Variants in PPP3CA observed in about 807,000 individuals in gnomAD.
The protein encoded by PPP3CA is protein phosphatase 3 catalytic subunit alpha, also known as CAM-PRP catalytic subunit.
PPP3CA carries 14 observed loss-of-function variants against 66.5 expected under a neutral mutation model. The ratio of observed to expected loss-of-function variants is 0.21; its 90% CI spans 0.14 to 0.33. The LOEUF (loss-of-function observed/expected upper bound fraction) is 0.33, where lower values mean the gene tolerates loss of function less well. Among genes scored for constraint, PPP3CA ranks in the 10% least tolerant of loss-of-function variants. PPP3CA has a pLI of 1.00. For synonymous variants in PPP3CA, 232 were observed against 226.2 expected, an observed-to-expected ratio of 1.03 and a Z score of -0.23; for missense variants, 317 against 639.5, an observed-to-expected ratio of 0.50 and a Z score of 5.44.
intron 1 of PPP3CA, among the ~76,000 whole-genome samples, chr4:101,343,195 T>C (rs1353879315): frequency 2.6e-5 from 4 of 152,154 alleles, no homozygotes; most frequent in African/African-American, 9.6e-5. Flanking sequence ...AGAAGTCCCA[T>C]CACAAAATAC....
intron 9 of PPP3CA, among the ~76,000 whole-genome samples, chr4:101,062,988 G>A (rs1212625967): frequency 6.6e-6 from 1 of 151,464 alleles, no homozygotes; most frequent in African/African-American, 2.4e-5. Flanking sequence ...ATTCTAATAA[G>A]ATTGTAAAAA....
intron 10 of PPP3CA, among the ~76,000 whole-genome samples, chr4:101,056,622 G>A (rs1003611808): frequency 1.2e-4 from 18 of 152,100 alleles, no homozygotes; most frequent in African/African-American, 4.3e-4. Context: ...TGAAGGGATA[G>A]CCCACTTAAA....
At chr4:101,113,432 C>T (rs1258910682) in intron 2 of PPP3CA, among the ~76,000 whole-genome samples, 2 of 152,094 alleles carry the variant, frequency 1.3e-5, no homozygotes, top group African/African-American at 4.8e-5. Context: ...ACTGGAAAGG[C>T]AACCTCTTTC....
intron 1 of PPP3CA, among the ~76,000 whole-genome samples, chr4:101,299,795 T>C (rs528362844): frequency 9.8e-5 from 15 of 152,294 alleles, no homozygotes; most frequent in African/African-American, 2.6e-4. Context: ...GTCTAACTTA[T>C]TTTCATCAGG....
At chr4:101,239,902 G>A (rs760666224) in intron 1 of PPP3CA, among the ~76,000 whole-genome samples, 15 of 151,510 alleles carry the variant, frequency 9.9e-5, no homozygotes, top group East Asian at 9.8e-4. Flanking sequence ...GTGCACCAAG[G>A]GTACAGTAAA....
intron 1 of PPP3CA, among the ~76,000 whole-genome samples, chr4:101,202,124 C>G (rs1010776001): frequency 1.3e-5 from 2 of 152,290 alleles, no homozygotes; most frequent in South Asian, 4.1e-4. Context: ...TTGTGTCTCT[C>G]TATCCTAAGG....
intron 2 of PPP3CA, among the ~76,000 whole-genome samples, chr4:101,167,787 A>C (rs1578514696): frequency 6.6e-6 from 1 of 152,154 alleles, no homozygotes; most frequent in African/African-American, 2.4e-5. Flanking sequence ...GGCTGGCTGG[A>C]AAGGACACAA....
chr4:101,291,841 C>T (rs1024805683), intron 1 of PPP3CA, among the ~76,000 whole-genome samples: 2 of 152,096 alleles, frequency 1.3e-5, no homozygotes, highest in Non-Finnish European at 2.9e-5. Flanking sequence ...TCCTATAACA[C>T]ACATGGGCCA....
chr4:101,189,687 CAAAAAAA>C (rs554383258), intron 2 of PPP3CA, among the ~76,000 whole-genome samples: 2 of 72,622 alleles, frequency 2.8e-5, no homozygotes, highest in Admixed American at 1.4e-4. Flanking sequence ...TAGTGAACGG[CAAAAAAA>C]AAAAAAAAAA....
intron 1 of PPP3CA, among the ~76,000 whole-genome samples, chr4:101,213,674 ATAGGTATCACAGTG>A (rs1476228109): frequency 1.3e-5 from 2 of 152,098 alleles, no homozygotes; most frequent in African/African-American, 2.4e-5. Context: ...ACCCTATGTA[ATAGGTATCACAGTG>A]TTCGTTTTAT....
At chr4:101,076,021 C>T (rs939915154) in intron 8 of PPP3CA, among the ~76,000 whole-genome samples, 3 of 152,130 alleles carry the variant, frequency 2.0e-5, no homozygotes, top group African/African-American at 4.8e-5. Context: ...GTTAAAATCA[C>T]TTTTACAGGG....
chr4:101,260,307 T>G (rs952590606), intron 1 of PPP3CA, among the ~76,000 whole-genome samples: 1 of 152,298 alleles, frequency 6.6e-6, no homozygotes, highest in East Asian at 1.9e-4. Flanking sequence ...ATCAGAAATA[T>G]AATAACTTTA....
intron 2 of PPP3CA, among the ~76,000 whole-genome samples, chr4:101,132,962 C>T (rs1357013151): frequency 6.6e-6 from 1 of 152,188 alleles, no homozygotes; most frequent in Non-Finnish European, 1.5e-5. Flanking sequence ...AACCAATAAA[C>T]ATAATCCATC....
chr4:101,073,088 T>C (rs942079567), intron 8 of PPP3CA, among the ~76,000 whole-genome samples: 1 of 151,978 alleles, frequency 6.6e-6, no homozygotes, highest in Non-Finnish European at 1.5e-5. Context: ...AGACATTCTG[T>C]TGAAACCTCT....
intron 1 of PPP3CA, among the ~76,000 whole-genome samples, chr4:101,314,339 C>T (rs998530030): frequency 1.3e-5 from 2 of 151,696 alleles, no homozygotes; most frequent in African/African-American, 2.4e-5. Context: ...CCGAGGCAGG[C>T]GGATCATGAG....
At chr4:101,200,839 A>G (rs1027408467) in intron 1 of PPP3CA, among the ~76,000 whole-genome samples, 1 of 152,124 alleles carries the variant, frequency 6.6e-6, no homozygotes, top group Non-Finnish European at 1.5e-5. Flanking sequence ...ACGTCAAAGG[A>G]TTAGTCACTA....
chr4:101,233,029 T>C (rs1726011682), intron 1 of PPP3CA, among the ~76,000 whole-genome samples: 1 of 95,520 alleles, frequency 1.0e-5, no homozygotes, highest in Admixed American at 9.1e-5. Context: ...AGATTTTGCT[T>C]TACTTTGTTT....
intron 2 of PPP3CA, among the ~76,000 whole-genome samples, chr4:101,142,063 AAAAG>A (rs936564569): frequency 2.6e-5 from 4 of 152,188 alleles, no homozygotes; most frequent in Non-Finnish European, 4.4e-5. Context: ...AAAAAAAAAA[AAAAG>A]AAGAAGTTAT....
intron 1 of PPP3CA, among the ~76,000 whole-genome samples, chr4:101,276,093 C>G (rs947366811): frequency 1.3e-5 from 2 of 151,982 alleles, no homozygotes; most frequent in Non-Finnish European, 2.9e-5. Flanking sequence ...TAAGATGTGA[C>G]TATGTTTCCC....
Sources: allele counts gnomAD v4.1 joint callset (sites outside exome capture counted in the v4.1 genomes callset), GRCh38; gene constraint gnomAD v4.1.1; transcripts MANE v1.5; gene names NCBI Gene and HGNC (gene_info 2026-07-23, HGNC 2026-07-21).